MAPK8IP2: variants seen among roughly 807,000 people sequenced by gnomAD.
The protein encoded by MAPK8IP2 is mitogen-activated protein kinase 8 interacting protein 2.
A neutral mutation model predicts 75.6 loss-of-function variants in MAPK8IP2; 15 were observed. That is an observed-to-expected ratio of 0.20 (90% CI 0.13 to 0.31). The LOEUF is 0.31. Ranked by LOEUF, MAPK8IP2 falls within the 10% of genes least tolerant of loss-of-function variation. MAPK8IP2 has a pLI of 1.00. For missense variants in MAPK8IP2, 1,089 were observed against 1,211.2 expected, an observed-to-expected ratio of 0.90 and a Z score of 1.50; for synonymous variants, 632 against 554.5, an observed-to-expected ratio of 1.14 and a Z score of -1.96.
chr22:50,603,773 G>A, intron 4 of MAPK8IP2, 54 bp downstream of exon 4: 1 of 1,541,648 alleles, frequency 6.5e-7, no homozygotes. Context: ...AGGGCAGGGA[G>A]GATGGACTGG....
At chr22:50,609,675 T>C (rs2071112915) in intron 10 of MAPK8IP2, 1 of 458,060 alleles carries the variant, frequency 2.2e-6, no homozygotes, top group South Asian at 1.6e-5. Flanking sequence ...TGATTTTTGC[T>C]AATGTCTGGG....
chr22:50,605,193 C>A, intron 5 of MAPK8IP2, 129 bp downstream of exon 5: 2 of 1,204,452 alleles, frequency 1.7e-6, no homozygotes, highest in African/African-American at 1.5e-5. Context: ...TGGGTGCCCT[C>A]TCCCACCCAG....
rs1230245534 is a variant in MAPK8IP2 at position 50,606,672 on chromosome 22, G to T, written c.2139G>T (p.Arg713=). 6.9e-6 allele frequency: 11 copies of T among 1,595,852 alleles called. No individual in the cohort carries two copies. Among genetic ancestry groups the T allele is most frequent in the Non-Finnish European group, 9.4e-6 (11 of 1,171,510 alleles). The part of the protein sequence containing the change: ...CAAMQKIATA[R]KLTVHLRPPA... ...TTCTTCTGTAGATTGCCACTGCCCG[G>T]AAACTGACCGTCCACCTGCGCCCTC... The change falls in exon 9 of 12, where the codon CGG becomes CGT. Residue 713 remains arginine (R), a synonymous_variant. Coordinates refer to ENST00000329492, the MANE Select transcript of MAPK8IP2 (RefSeq NM_012324.6).
Position 50,604,692 on chromosome 22 carries a change from G to T in MAPK8IP2, c.1393G>T (p.Ala465Ser), listed in dbSNP as rs887839808. 6.6e-7 allele frequency: 1 copy of T among 1,525,818 alleles called. No homozygotes were observed. 94.5% of individuals were successfully genotyped at this position (1,525,818 alleles called of 1,614,324 possible). A position where few individuals can be genotyped will look rare whatever the true frequency, so the allele number is the denominator to read the frequency against. ...CGCCCGCCCGGGACGAGCCTGCTCC[G>T]CCGCCTGCTCCGAGGAGGAGGACGA... ...RAARPGRACS[A>S]ACSEEEDEED... The change falls in exon 5 of 12, where the codon GCC becomes TCC. Residue 465 changes from alanine (A) to serine (S), a missense_variant. Ala to Ser is a moderately conservative substitution (Grantham distance 99). Coordinates refer to ENST00000329492, the MANE Select transcript of MAPK8IP2 (RefSeq NM_012324.6).
intron 1 of MAPK8IP2, 31 bp downstream of exon 1, chr22:50,600,914 C>G: frequency 9.1e-7 from 1 of 1,099,828 alleles, no homozygotes; most frequent in Non-Finnish European, 1.2e-6. Flanking sequence ...GCCGGGCGGA[C>G]CCTCCGCTCC....
At position 50,600,863 on chromosome 22, in the gene MAPK8IP2, G is replaced by A. The variant is rs777866937; in HGVS notation, c.45G>A (p.Ser15=). ...TGTTTTCTCTCTCCACCTTCCACTC[G>A]CTGTCGCCGCCGGGCTGCAGGTACC... ...AEMFSLSTFH[S]LSPPGCRPPQ... Residue 15 remains serine, a synonymous_variant, in exon 1 of 12, where the codon TCG becomes TCA. Transcript: ENST00000329492. 1 of 1,296,284 alleles carries A rather than the reference G, an allele frequency of 7.7e-7. No homozygotes were observed. Among genetic ancestry groups the A allele is most frequent in the South Asian group, 1.4e-5 (1 of 71,908 alleles). The allele number at this position is 1,296,284 out of a possible 1,614,324, so 80.3% of individuals were successfully genotyped here.
chr22:50,600,867 T>C lies in MAPK8IP2; in HGVS notation c.49T>C (p.Ser17Pro). ...MFSLSTFHSL[S>P]PPGCRPPQDI... Reference sequence around the variant, plus strand: ...TTCTCTCTCCACCTTCCACTCGCTGTCGCCGCCGGGCTGCAGGTACCCCCC... The same window carrying C: ...TTCTCTCTCCACCTTCCACTCGCTGCCGCCGCCGGGCTGCAGGTACCCCCC... The change falls in exon 1 of 12, where the codon TCG (serine) becomes CCG (proline). Residue 17 changes from serine (S) to proline (P), a missense_variant. Coordinates refer to ENST00000329492, the MANE Select transcript of MAPK8IP2 (RefSeq NM_012324.6). 7.8e-7 allele frequency: 1 copy of C among 1,289,708 alleles called. No homozygotes were observed. Among genetic ancestry groups the C allele is most frequent in the Non-Finnish European group, 1.0e-6 (1 of 991,372 alleles). The allele number at this position is 1,289,708 out of a possible 1,614,324, so 79.9% of individuals were successfully genotyped here. A position where few individuals can be genotyped will look rare whatever the true frequency, so the allele number is the denominator to read the frequency against.
At chr22:50,601,599 A>T in intron 1 of MAPK8IP2, 190 bp from the exon 2 acceptor site, 1 of 567,854 alleles carries the variant, frequency 1.8e-6, no homozygotes, top group Non-Finnish European at 3.2e-6. Flanking sequence ...GGCCTGGCTC[A>T]GATGGGGGAG....
chr22:50,607,511 A>C lies in MAPK8IP2; in HGVS notation c.2303+520A>C, dbSNP rs534359109. Reference sequence around the variant, plus strand: ...GTAATGAGGCCATAGAAGGCTCCTAATGGAAGGAGGTGACACAGGGGACCT... The same window carrying C: ...GTAATGAGGCCATAGAAGGCTCCTACTGGAAGGAGGTGACACAGGGGACCT... On this transcript the variant is annotated intron_variant, in intron 10 of 11. Transcript: ENST00000329492. This position sits in a 1 kb window ranked among gnomAD's most constrained non-coding sequence, Gnocchi z 5.6. Among the ~76,000 whole-genome samples the C allele has an allele frequency of 3.9e-5, 6 of 152,066 alleles. No homozygotes were observed. Among genetic ancestry groups the C allele is most frequent in the Non-Finnish European group, 8.8e-5 (6 of 68,000 alleles).
chr22:50,603,997 G>T lies in MAPK8IP2; in HGVS notation c.698G>T (p.Arg233Ile). The T allele has an allele frequency of 6.4e-7, 1 of 1,559,124 alleles. No homozygotes were observed. Among genetic ancestry groups the T allele is most frequent in the East Asian group, 2.4e-5 (1 of 41,646 alleles). Reference protein sequence around the residue: ...SSDPGIEADLRSRSSGGRGGR... With the variant: ...SSDPGIEADLISRSSGGRGGR... The stretch of plus-strand genomic sequence containing the variant: ...GATCCCGGCATCGAGGCTGACCTGA[G>T]AAGCCGCTCGAGCGGCGGCCGCGGG... The change falls in exon 5 of 12, where the codon AGA (arginine) becomes ATA (isoleucine). Residue 233 changes from arginine (R) to isoleucine (I), a missense_variant. By Grantham distance (97) the Arg-to-Ile change is moderately conservative. Around this residue, in one of 2 missense-constraint regions of MAPK8IP2, gnomAD observed 960 missense variants for 1,009.6 expected, o/e 0.95. Coordinates refer to ENST00000329492, the MANE Select transcript of MAPK8IP2 (RefSeq NM_012324.6).
chr22:50,605,087 G>T, intron 5 of MAPK8IP2, 23 bp downstream of exon 5: 2 of 1,611,994 alleles, frequency 1.2e-6, no homozygotes, highest in Non-Finnish European at 1.7e-6. Context: ...TGGGGAAAAG[G>T]GGGGTGGCCC....
chr22:50,606,583 C>T (rs1032805641), intron 8 of MAPK8IP2, 75 bp from the exon 9 acceptor site: 13 of 987,672 alleles, frequency 1.3e-5, no homozygotes, highest in Admixed American at 2.0e-5. Flanking sequence ...GGAGCAGAGG[C>T]GTAGTCCCAC....
rs2071057347 is a variant in MAPK8IP2, at chr22:50,606,724, C to T, written c.2191C>T (p.Leu731Phe). 1 of 1,591,986 alleles carries T rather than the reference C, an allele frequency of 6.3e-7. No homozygotes were observed. The highest frequency in any genetic ancestry group is 1.1e-5 in the South Asian group (1 of 87,770). Residue 731 changes from leucine (L) to phenylalanine (F), a missense_variant, in exon 9 of 12, where the codon CTT becomes TTT. By Grantham distance (22) the Leu-to-Phe change is conservative. Around this residue, in one of 2 missense-constraint regions of MAPK8IP2, gnomAD observed 129 missense variants for 201.7 expected, o/e 0.64. Transcript: ENST00000329492. Reference sequence around the variant, plus strand: ...TGCCTCCTGTGACCTCGAGATCTCTCTTCGGGGGGTCAAGCTGAGTCTGAG... The same window carrying T: ...TGCCTCCTGTGACCTCGAGATCTCTTTTCGGGGGGTCAAGCTGAGTCTGAG... Reference protein sequence around the residue: ...PPASCDLEISLRGVKLSLSGG... With the variant: ...PPASCDLEISFRGVKLSLSGG...
rs1353498161 is a variant in MAPK8IP2 at position 50,612,941 on chromosome 22, C to G, written c.*2162C>G. The G allele has an allele frequency of 3.2e-5, 1 of 30,804 alleles. No individual in the cohort carries two copies. The highest frequency in any genetic ancestry group is 1.4e-4 in the African/African-American group (1 of 7,122). 1.9% of individuals were successfully genotyped at this position (30,804 alleles called of 1,614,324 possible). On this transcript the variant is annotated 3_prime_UTR_variant, in exon 12 of 12. Transcript: ENST00000329492. Reference sequence around the variant, plus strand: ...GTCTTCAGGTCTCTTTCCCTCCAGCCGGCCCTTAGGACGGCTGTTGGACGT... The same window carrying G: ...GTCTTCAGGTCTCTTTCCCTCCAGCGGGCCCTTAGGACGGCTGTTGGACGT...
At position 50,603,987 on chromosome 22, in the gene MAPK8IP2, G is replaced by A. The variant is rs1603444275; in HGVS notation, c.688G>A (p.Ala230Thr). Reference sequence around the variant, plus strand: ...GCCCTCCTCAGATCCCGGCATCGAGGCTGACCTGAGAAGCCGCTCGAGCGG... The same window carrying A: ...GCCCTCCTCAGATCCCGGCATCGAGACTGACCTGAGAAGCCGCTCGAGCGG... Reference protein sequence around the residue: ...TSPSSDPGIEADLRSRSSGGR... With the variant: ...TSPSSDPGIETDLRSRSSGGR... The change falls in exon 5 of 12, where the codon GCT becomes ACT. Residue 230 changes from alanine to threonine, a missense_variant. By Grantham distance (58) the Ala-to-Thr change is moderately conservative. Around this residue, in one of 2 missense-constraint regions of MAPK8IP2, gnomAD observed 960 missense variants for 1,009.6 expected, o/e 0.95. Transcript: ENST00000329492. 6.4e-7 allele frequency: 1 copy of A among 1,560,752 alleles called. No individual in the cohort carries two copies. The highest frequency in any genetic ancestry group is 2.4e-5 in the East Asian group (1 of 41,806).
chr22:50,608,494 G>A (rs1371566449), intron 10 of MAPK8IP2, among the ~76,000 whole-genome samples: 9 of 135,698 alleles, frequency 6.6e-5, no homozygotes, highest in African/African-American at 1.7e-4. Context: ...GTGGGACAGC[G>A]GGCAGGGGCG....
rs1253575880 is a variant in MAPK8IP2 at position 50,613,151 on chromosome 22, C to T, written c.*2372C>T. ...TCCCTGTGCTCAGGCCCCTGGCAGC[C>T]GCCCCCTGTGCAGACCACTGGGCAG... is the stretch of plus-strand genomic sequence containing the variant. On this transcript the variant is annotated 3_prime_UTR_variant, in exon 12 of 12. Transcript: ENST00000329492. The T allele has an allele frequency of 1.3e-5, 2 of 152,710 alleles. No individual in the cohort carries two copies. Among genetic ancestry groups the T allele is most frequent in the East Asian group, 1.9e-4 (1 of 5,186 alleles). The allele number at this position is 152,710 out of a possible 1,614,324, so 9.5% of individuals were successfully genotyped here.
At chr22:50,602,327 C>T (rs898352233) in intron 2 of MAPK8IP2, among the ~76,000 whole-genome samples, 1 of 152,356 alleles carries the variant, frequency 6.6e-6, no homozygotes, top group East Asian at 1.9e-4. Context: ...TCTTGCTTCT[C>T]CTCCTCCCTG....
At position 50,604,897 on chromosome 22, in the gene MAPK8IP2, G is replaced by T; in HGVS notation, c.1598G>T (p.Gly533Val). The T allele has an allele frequency of 1.9e-6, 3 of 1,609,332 alleles. No homozygotes were observed. The African/African-American group carries it at 4.0e-5, about 21-fold the overall frequency. The change falls in exon 5 of 12, where the codon GGC (glycine) becomes GTC (valine). Residue 533 changes from glycine (G) to valine (V), a missense_variant. By Grantham distance (109) the Gly-to-Val change is moderately radical. Transcript: ENST00000329492. ...LVSLRRCAGL[G>V]HDSEEDSGGE... Reference sequence around the variant, plus strand: ...AGCCTGCGGCGCTGTGCTGGGCTGGGCCACGACAGCGAAGAGGACAGCGGC... The same window carrying T: ...AGCCTGCGGCGCTGTGCTGGGCTGGTCCACGACAGCGAAGAGGACAGCGGC...
Sources: allele counts gnomAD v4.1 joint callset (sites outside exome capture counted in the v4.1 genomes callset), GRCh38; gene constraint gnomAD v4.1.1; regional missense constraint gnomAD v4.1.1; non-coding constraint Gnocchi (gnomAD v3.1); transcripts MANE v1.5; gene names NCBI Gene and HGNC (gene_info 2026-07-23, HGNC 2026-07-21).